The following PNCK variants were observed in gnomAD, a reference collection of about 807,000 sequenced individuals.
PNCK encodes the protein pregnancy up-regulated nonubiquitous CaM kinase.
Under a neutral mutation model 28.3 loss-of-function variants are expected in PNCK, and 21 were observed. The ratio of observed to expected loss-of-function variants is 0.74; its 90% CI spans 0.53 to 1.07. The LOEUF (loss-of-function observed/expected upper bound fraction) is 1.07, where lower values mean the gene tolerates loss of function less well. Ranked by LOEUF, PNCK falls within the 50% of genes least tolerant of loss-of-function variation. PNCK has a pLI of 0.00. For missense variants in PNCK, 250 were observed against 298.3 expected (o/e 0.84, Z 1.19); for synonymous variants, 136 against 125.2 (o/e 1.09, Z -0.58).
chrX:153,670,137 G>A lies in PNCK; in HGVS notation c.*8-7C>T. 8.4e-6 allele frequency: 3 copies of A among 355,096 alleles called. No homozygotes were observed. Among genetic ancestry groups the A allele is most frequent in the Non-Finnish European group, 1.5e-5 (3 of 197,349 alleles). The allele number at this position is 355,096 out of a possible 1,213,427, so 29.3% of individuals were successfully genotyped here. A position where few individuals can be genotyped will look rare whatever the true frequency, so the allele number is the denominator to read the frequency against. Reference sequence around the variant, plus strand: ...ACTTGGCCTCGGCATCTGCCTGAGAGGGAGAAGCAGAGGGAAAGGGGGTAG... The same window carrying A: ...ACTTGGCCTCGGCATCTGCCTGAGAAGGAGAAGCAGAGGGAAAGGGGGTAG... On this transcript the variant is annotated splice_region_variant and splice_polypyrimidine_tract_variant and intron_variant, in intron 11 of 11. Transcript: ENST00000340888.
rs782569431 is a variant in PNCK, at chrX:153,673,078, T to C, written c.-2A>G. 5 of 1,193,865 alleles carry C rather than the reference T, an allele frequency of 4.2e-6. No individual in the cohort carries two copies. The highest frequency in any genetic ancestry group is 5.7e-6 in the Non-Finnish European group (5 of 884,062). On this transcript the variant is annotated splice_region_variant and 5_prime_UTR_variant, in exon 2 of 12. Transcript: ENST00000340888. ...CGTGTGTTTCTTCAGCAGCAGCATG[T>C]CTGCAGGGGCAGGGGAGAGGTGATG...
At chrX:153,682,241 G>A (rs1350730868) in intron 1 of PNCK, among the ~76,000 whole-genome samples, 2 of 110,050 alleles carry the variant, frequency 1.8e-5, no homozygotes, top group East Asian at 2.9e-4. Flanking sequence ...TGCCTGCCTC[G>A]GCCTCACAAA....
At chrX:153,677,480 G>C (rs1603207434), upstream of PNCK, among the ~76,000 whole-genome samples, 1 of 108,494 alleles carries the variant, frequency 9.2e-6, no homozygotes, top group Non-Finnish European at 1.9e-5. Context: ...GCTGCTTCTA[G>C]GCCCTCTCCA....
upstream of PNCK, among the ~76,000 whole-genome samples, chrX:153,677,018 C>T (rs782375932): frequency 9.8e-5 from 11 of 111,885 alleles, no homozygotes; most frequent in East Asian, 2.8e-4. Flanking sequence ...CCGCTCACTA[C>T]GACCTCCGCC....
At chrX:153,676,993 G>C (rs782607558), upstream of PNCK, among the ~76,000 whole-genome samples, 1 of 112,021 alleles carries the variant, frequency 8.9e-6, no homozygotes, top group Non-Finnish European at 1.9e-5. Flanking sequence ...AGGCTGGCAG[G>C]CAATTGTGTG....
chrX:153,673,452 C>T lies in PNCK; in HGVS notation c.-3+328G>A. 1.5e-5 allele frequency: 8 copies of T among 528,899 alleles called. No homozygotes were observed. In the South Asian group the frequency reaches 2.4e-4, roughly 16 times the overall value. The allele number at this position is 528,899 out of a possible 1,213,427, so 43.6% of individuals were successfully genotyped here. Reference sequence around the variant, plus strand: ...CCAAGCCCCCACCCCCGCCTAGACCCGCCACCCATGGCACAGCGCCCACAG... The same window carrying T: ...CCAAGCCCCCACCCCCGCCTAGACCTGCCACCCATGGCACAGCGCCCACAG... On this transcript the variant is annotated intron_variant, in intron 1 of 11. Coordinates refer to ENST00000340888, the MANE Select transcript of PNCK (RefSeq NM_001366977.1).
At chrX:153,687,511 A>G (rs2091426251) in exon 1 of PNCK, 2 of 326,957 alleles carry the variant, frequency 6.1e-6, no homozygotes. Flanking sequence ...GAGAGAGCTC[A>G]AGGAAGGAGG....
At chrX:153,675,987 C>CTTTTTTTTTTTTTTTTTT (rs59527995), upstream of PNCK, among the ~76,000 whole-genome samples, 2 of 79,967 alleles carry the variant, frequency 2.5e-5, no homozygotes, top group Admixed American at 1.3e-4. Flanking sequence ...TTTTTCTTTT[C>CTTTTTTTTTTTTTTTTTT]TTTTTTTTTT....
chrX:153,670,045 C>A lies in PNCK; in HGVS notation c.*93G>T, dbSNP rs185587679. The A allele has an allele frequency of 4.9e-3, 1,363 of 276,138 alleles. 13 individuals carry two copies. The highest frequency in any genetic ancestry group is 0.035 in the African/African-American group (1,234 of 35,735). 22.8% of individuals were successfully genotyped at this position (276,138 alleles called of 1,213,427 possible). ...AATCTCAAAATCCAGCAGAGGCCAG[C>A]CCCAGGGGGAGGGGTTGGGGGAGGG... On this transcript the variant is annotated 3_prime_UTR_variant, in exon 12 of 12. Coordinates refer to ENST00000340888, the MANE Select transcript of PNCK (RefSeq NM_001366977.1).
At chrX:153,674,942 G>A (rs2091356866), upstream of PNCK, 1 of 111,837 alleles carries the variant, frequency 8.9e-6, no homozygotes, top group Admixed American at 9.5e-5. Context: ...GTAAAAACTG[G>A]GAAATCTGAG....
upstream of PNCK, among the ~76,000 whole-genome samples, chrX:153,675,414 C>T (rs1474629503): frequency 3.6e-5 from 4 of 112,248 alleles, no homozygotes; most frequent in African/African-American, 1.3e-4. Context: ...CTGGGAAAGA[C>T]GAGCCAGCGG....
chrX:153,674,501 G>T, upstream of PNCK: 1 of 195,247 alleles, frequency 5.1e-6, no homozygotes, highest in Non-Finnish European at 9.5e-6. Flanking sequence ...TATCTGCCTG[G>T]CTTGGCTCCT....
At chrX:153,670,305 C>T in intron 11 of PNCK, 145 bp downstream of exon 11, 1 of 869,680 alleles carries the variant, frequency 1.1e-6, no homozygotes, top group Non-Finnish European at 1.6e-6. Flanking sequence ...TCTCCTGGGG[C>T]CCTGGCTCCT....
At chrX:153,671,829 G>A in intron 5 of PNCK, 51 bp downstream of exon 5, 2 of 1,194,075 alleles carry the variant, frequency 1.7e-6, no homozygotes, top group South Asian at 3.7e-5. Flanking sequence ...AACAAAGGCA[G>A]GGCCAGGTGG....
chrX:153,677,630 TGTGTATATATATA>T (rs1464488688), upstream of PNCK, among the ~76,000 whole-genome samples: 21 of 94,669 alleles, frequency 2.2e-4, no homozygotes, highest in East Asian at 1.6e-3. Context: ...ATATATATAG[TGTGTATATATATA>T]GTGTATATAT....
chrX:153,670,725 G>A lies in PNCK; in HGVS notation c.894+19C>T, dbSNP rs1312263231. The A allele has an allele frequency of 1.2e-5, 14 of 1,185,495 alleles. No individual in the cohort carries two copies. Among genetic ancestry groups the A allele is most frequent in the Non-Finnish European group, 1.6e-5 (14 of 880,723 alleles). ...TGGGGTGCGGCGGGCGACCACACTG[G>A]GTCTCTCTCCACACTGACCTTCCAG... On this transcript the variant is annotated intron_variant, in intron 10 of 11. Transcript: ENST00000340888.
chrX:153,683,236 G>C (rs1294882893), intron 1 of PNCK, among the ~76,000 whole-genome samples: 2 of 111,873 alleles, frequency 1.8e-5, no homozygotes, highest in African/African-American at 6.5e-5. Context: ...CGCCTCCCAG[G>C]TTCAAGCGAT....
In PNCK at chrX:153,670,135, G is replaced by C; in HGVS notation, c.*8-5C>G. 2.8e-6 allele frequency: 1 copy of C among 352,991 alleles called. No individual in the cohort carries two copies. Among genetic ancestry groups the C allele is most frequent in the South Asian group, 3.4e-5 (1 of 29,223 alleles). The allele number at this position is 352,991 out of a possible 1,213,427, so 29.1% of individuals were successfully genotyped here. A position where few individuals can be genotyped will look rare whatever the true frequency, so the allele number is the denominator to read the frequency against. On this transcript the variant is annotated splice_region_variant and splice_polypyrimidine_tract_variant and intron_variant, in intron 11 of 11. Coordinates refer to ENST00000340888, the MANE Select transcript of PNCK (RefSeq NM_001366977.1). The stretch of plus-strand genomic sequence containing the variant: ...CCACTTGGCCTCGGCATCTGCCTGA[G>C]AGGGAGAAGCAGAGGGAAAGGGGGT...
At chrX:153,673,537 C>T (rs1408754915) in intron 1 of PNCK, 2 of 374,998 alleles carry the variant, frequency 5.3e-6, no homozygotes, top group South Asian at 7.3e-5. Context: ...CGCGCGCAGC[C>T]ACCTGCCAAG....
Sources: allele counts gnomAD v4.1 joint callset (sites outside exome capture counted in the v4.1 genomes callset), GRCh38; gene constraint gnomAD v4.1.1; transcripts MANE v1.5; gene names NCBI Gene and HGNC (gene_info 2026-07-23, HGNC 2026-07-21).